The following GREB1L variants were observed in gnomAD, a reference collection of about 807,000 sequenced individuals.
GREB1L encodes the protein GREB1-like protein.
In GREB1L, 17 loss-of-function variants were observed where a neutral mutation model predicts 200.8. That is an observed-to-expected ratio of 0.08 (90% confidence interval 0.06 to 0.13). The LOEUF (loss-of-function observed/expected upper bound fraction) is 0.13. Among genes scored for constraint, GREB1L ranks in the 10% least tolerant of loss-of-function variants. The probability of loss-of-function intolerance (pLI) is 1.00; values close to 1 mark genes in which losing one functional copy is unlikely to be tolerated. For missense variants in GREB1L, 1,657 were observed against 2,367.7 expected (o/e 0.70, Z 6.23); for synonymous variants, 789 against 893.0 (o/e 0.88, Z 2.08).
At chr18:21,339,369 C>G (rs7244968) in intron 1 of GREB1L, among the ~76,000 whole-genome samples, 11 of 152,124 alleles carry the variant, frequency 7.2e-5, no homozygotes, top group Admixed American at 1.3e-4. Context: ...CAGGAATTTT[C>G]ACAAGCTGTG....
At chr18:21,360,601 C>G (rs1238139240) in intron 1 of GREB1L, among the ~76,000 whole-genome samples, 1 of 152,140 alleles carries the variant, frequency 6.6e-6, no homozygotes, top group African/African-American at 2.4e-5. Flanking sequence ...AGTGAAATAG[C>G]TTGAACATTT....
At chr18:21,422,372 T>C (rs1437473318) in intron 7 of GREB1L, among the ~76,000 whole-genome samples, 1 of 152,192 alleles carries the variant, frequency 6.6e-6, no homozygotes, top group African/African-American at 2.4e-5. Context: ...ATATAATATA[T>C]TCATATATAT....
chr18:21,340,817 A>G (rs1180566927), intron 1 of GREB1L, among the ~76,000 whole-genome samples: 2 of 152,200 alleles, frequency 1.3e-5, no homozygotes, highest in African/African-American at 4.8e-5. Context: ...TGCTGGGATT[A>G]CAGGCGTTGA....
chr18:21,379,737 A>C (rs2040226673), intron 2 of GREB1L, among the ~76,000 whole-genome samples: 1 of 152,204 alleles, frequency 6.6e-6, no homozygotes, highest in African/African-American at 2.4e-5. Context: ...GTTTAGACGC[A>C]TAAACTAGTG....
In GREB1L at chr18:21,501,525, C is replaced by T. The variant is rs144447224; in HGVS notation, c.4072+883C>T. Among the ~76,000 whole-genome samples the T allele has an allele frequency of 7.5e-4, 114 of 152,204 alleles. 2 individuals are homozygous for T. The South Asian group carries it at 0.012, about 16-fold the overall frequency. ...TGTGTTAGTTTGCTGAGAATGATGG[C>T]TTCCAGTTTCATCCATGTGCCTGCA... is the stretch of plus-strand genomic sequence containing the variant. On this transcript the variant is annotated intron_variant, in intron 23 of 32. Coordinates refer to ENST00000424526, the MANE Select transcript of GREB1L (RefSeq NM_001142966.3).
chr18:21,492,051 A>G (rs1219596702), intron 19 of GREB1L, among the ~76,000 whole-genome samples: 2 of 151,962 alleles, frequency 1.3e-5, no homozygotes, highest in African/African-American at 4.8e-5. Context: ...ATTGCTAATG[A>G]TGAAGAATTT....
At chr18:21,250,525 AT>A (rs960348113) in intron 1 of GREB1L, among the ~76,000 whole-genome samples, 1 of 152,180 alleles carries the variant, frequency 6.6e-6, no homozygotes, top group Admixed American at 6.5e-5. Context: ...TACTACTCAA[AT>A]GTATCATTCT....
intron 7 of GREB1L, among the ~76,000 whole-genome samples, chr18:21,404,455 A>T (rs117821555): frequency 0.019 from 2,865 of 152,362 alleles, 44 homozygotes; most frequent in Non-Finnish European, 0.031. Flanking sequence ...TGAATCCAGG[A>T]TCTAGTTTCT....
intron 1 of GREB1L, among the ~76,000 whole-genome samples, chr18:21,296,021 TATCTC>T (rs1333960249): frequency 1.3e-5 from 2 of 152,222 alleles, no homozygotes; most frequent in Admixed American, 1.3e-4. Context: ...AGTTTGGAGA[TATCTC>T]AAAGAACTTA....
chr18:21,412,184 G>A (rs2031123103), intron 7 of GREB1L, among the ~76,000 whole-genome samples: 1 of 151,858 alleles, frequency 6.6e-6, no homozygotes. Context: ...GATTGCTTGA[G>A]CTCAGGAGTT....
chr18:21,243,079 T>C (rs2037531790), intron 1 of GREB1L, among the ~76,000 whole-genome samples: 1 of 152,020 alleles, frequency 6.6e-6, no homozygotes, highest in Non-Finnish European at 1.5e-5. Flanking sequence ...ACCACTCTTA[T>C]TCCGAATGAG....
chr18:21,424,366 G>A (rs558786172), intron 7 of GREB1L, among the ~76,000 whole-genome samples: 3 of 152,234 alleles, frequency 2.0e-5, no homozygotes, highest in African/African-American at 4.8e-5. Context: ...CCAGGAGTTC[G>A]AGACCAGCCT....
At chr18:21,414,529 A>G (rs1411221206) in intron 7 of GREB1L, among the ~76,000 whole-genome samples, 1 of 152,200 alleles carries the variant, frequency 6.6e-6, no homozygotes, top group Non-Finnish European at 1.5e-5. Context: ...ATAAAGGCCA[A>G]TACCTAATGT....
At chr18:21,333,868 GC>G (rs1266615831) in intron 1 of GREB1L, among the ~76,000 whole-genome samples, 2 of 151,718 alleles carry the variant, frequency 1.3e-5, no homozygotes, top group Non-Finnish European at 2.9e-5. Context: ...TGTAGTCCCA[GC>G]TACTTGGGAG....
chr18:21,503,007 G>A (rs2036861406), intron 23 of GREB1L, among the ~76,000 whole-genome samples: 1 of 152,092 alleles, frequency 6.6e-6, no homozygotes, highest in Non-Finnish European at 1.5e-5. Context: ...GCTCTCAAGA[G>A]GCACAATGAC....
Position 21,343,581 on chromosome 18 carries a change from A to G in GREB1L, c.-119-22446A>G, listed in dbSNP as rs551848059. ...TTTACTAATGAGGATCAAGAGACCC[A>G]GAAGTGCTTAGTAGTTTGTCCCTGG... On this transcript the variant is annotated intron_variant, in intron 1 of 32. Coordinates refer to ENST00000424526, the MANE Select transcript of GREB1L (RefSeq NM_001142966.3). Among the ~76,000 whole-genome samples the G allele has an allele frequency of 3.9e-5, 6 of 152,310 alleles. No individual in the cohort carries two copies. The East Asian group carries it at 9.7e-4, about 25-fold the overall frequency.
At chr18:21,345,752 A>T (rs2039335161) in intron 1 of GREB1L, among the ~76,000 whole-genome samples, 1 of 151,934 alleles carries the variant, frequency 6.6e-6, no homozygotes, top group Non-Finnish European at 1.5e-5. Context: ...TGTGCCTGTA[A>T]TCCCAGCTAC....
chr18:21,395,724 T>TTTTTTTTC (rs1207016469), intron 5 of GREB1L, among the ~76,000 whole-genome samples, 163 bp downstream of exon 5: 2 of 152,018 alleles, frequency 1.3e-5, no homozygotes, highest in African/African-American at 2.4e-5. Context: ...AACTTCTTTT[T>TTTTTTTTC]TTTTTTTCTT....
At chr18:21,323,887 A>T (rs189211418) in intron 1 of GREB1L, among the ~76,000 whole-genome samples, 3 of 152,330 alleles carry the variant, frequency 2.0e-5, no homozygotes, top group Non-Finnish European at 2.9e-5. Context: ...AGTAACTTCT[A>T]TCAAACTTTT....
Sources: gnomAD v4.1 joint callset for allele counts (sites outside exome capture counted in the v4.1 genomes callset) on GRCh38, gnomAD v4.1.1 for gene constraint, MANE v1.5 for transcripts, NCBI Gene and HGNC (gene_info 2026-07-23, HGNC 2026-07-21) for gene names.